ST8SIA6: variants seen among roughly 807,000 people sequenced by gnomAD.
ST8SIA6 encodes ST8 alpha-N-acetyl-neuraminide alpha-2,8-sialyltransferase 6.
Under a neutral mutation model 33.6 loss-of-function variants are expected in ST8SIA6, and 39 were observed. The observed-to-expected ratio is 1.16, with a 90% confidence interval of 0.90 to 1.52. The LOEUF is 1.52. Ranked by LOEUF, ST8SIA6 falls within the 40% of genes most tolerant of loss-of-function variation. ST8SIA6 has a pLI of 0.00. For missense variants in ST8SIA6, 441 were observed against 443.8 expected (o/e 0.99, Z 0.06); for synonymous variants, 172 against 167.2 (o/e 1.03, Z -0.22).
At chr10:17,330,458 C>T (rs1490771013) in intron 5 of ST8SIA6, among the ~76,000 whole-genome samples, 1 of 152,068 alleles carries the variant, frequency 6.6e-6, no homozygotes, top group Non-Finnish European at 1.5e-5. Flanking sequence ...CCTTTTTCTT[C>T]CAGAAAATTT....
At chr10:17,354,844 T>C (rs558911151) in intron 4 of ST8SIA6, among the ~76,000 whole-genome samples, 2 of 152,296 alleles carry the variant, frequency 1.3e-5, no homozygotes, top group South Asian at 4.1e-4. Context: ...CCCAGAAACG[T>C]GTACAAAATC....
rs112788153 is a variant in ST8SIA6, at chr10:17,434,734, GAC to G, written c.200+18823_200+18824del. On this transcript the variant is annotated intron_variant, in intron 2 of 7. Transcript: ENST00000377602. ...AACCTGTGTCTGTAGGTGTTGGGAGGACACACACACACACACACACGGGAAAG... is the reference window on the plus strand; with the variant it reads ...AACCTGTGTCTGTAGGTGTTGGGAGGACACACACACACACACACGGGAAAG... 1.1e-3 allele frequency among the ~76,000 whole-genome samples: 166 copies of G among 147,772 alleles called. 1 individual carries two copies. Among genetic ancestry groups the G allele is most frequent in the African/African-American group, 2.9e-3 (117 of 40,138 alleles).
At chr10:17,374,669 G>A (rs1849841749) in intron 3 of ST8SIA6, among the ~76,000 whole-genome samples, 1 of 149,466 alleles carries the variant, frequency 6.7e-6, no homozygotes, top group Admixed American at 6.7e-5. Flanking sequence ...AGCGGAGATC[G>A]TACCACTGCA....
chr10:17,405,056 T>C (rs1326020057), intron 2 of ST8SIA6, among the ~76,000 whole-genome samples: 2 of 152,246 alleles, frequency 1.3e-5, no homozygotes, highest in Non-Finnish European at 2.9e-5. Context: ...TTCTGATCTA[T>C]ACATGTAAAT....
intron 4 of ST8SIA6, among the ~76,000 whole-genome samples, chr10:17,337,833 G>A (rs1263788797): frequency 6.6e-6 from 1 of 152,084 alleles, no homozygotes; most frequent in Non-Finnish European, 1.5e-5. Flanking sequence ...AGAAATGGAG[G>A]ACACTGTGGG....
In ST8SIA6 at chr10:17,319,396, T is replaced by G. The variant is rs1468496992; in HGVS notation, c.*1482A>C. On this transcript the variant is annotated 3_prime_UTR_variant, in exon 8 of 8. Coordinates refer to ENST00000377602, the MANE Select transcript of ST8SIA6 (RefSeq NM_001004470.3). ...GCCAAAGATTTTTGGCTAACGTGAA[T>G]CTAGGTAGGATTGTTGTAAAATTTC... 6.6e-6 allele frequency among the ~76,000 whole-genome samples: 1 copy of G among 152,180 alleles called. No homozygotes were observed. Among genetic ancestry groups the G allele is most frequent in the Non-Finnish European group, 1.5e-5 (1 of 68,030 alleles).
intron 4 of ST8SIA6, among the ~76,000 whole-genome samples, chr10:17,355,477 C>CA: frequency 6.6e-6 from 1 of 152,122 alleles, no homozygotes; most frequent in Non-Finnish European, 1.5e-5. Context: ...CAAAGATAAA[C>CA]AAGATAATGC....
chr10:17,395,123 T>G (rs1850762209), intron 2 of ST8SIA6, among the ~76,000 whole-genome samples: 1 of 152,294 alleles, frequency 6.6e-6, no homozygotes, highest in African/African-American at 2.4e-5. Flanking sequence ...ATAAGTCTGA[T>G]GGTTTTATAA....
intron 3 of ST8SIA6, among the ~76,000 whole-genome samples, chr10:17,364,804 A>T (rs1490173389): frequency 6.6e-6 from 1 of 152,178 alleles, no homozygotes; most frequent in Non-Finnish European, 1.5e-5. Context: ...ATCACATCAT[A>T]TTTTCTGCAC....
rs1280285530 is a variant in ST8SIA6 at position 17,320,686 on chromosome 10, T to C, written c.*192A>G. ...TGAGTCAGATATGGTGTCCATGTTATAAGGAGAAAAAATGAAGATGAGAAG... is the reference window on the plus strand; with the variant it reads ...TGAGTCAGATATGGTGTCCATGTTACAAGGAGAAAAAATGAAGATGAGAAG... On this transcript the variant is annotated 3_prime_UTR_variant, in exon 8 of 8. Coordinates refer to ENST00000377602, the MANE Select transcript of ST8SIA6 (RefSeq NM_001004470.3). The C allele has an allele frequency of 6.6e-6, 4 of 601,766 alleles. No homozygotes were observed. The African/African-American group carries it at 7.4e-5, about 11-fold the overall frequency. 37.3% of individuals were successfully genotyped at this position (601,766 alleles called of 1,614,324 possible).
At position 17,320,811 on chromosome 10, in the gene ST8SIA6, T is replaced by TG. The variant is rs1847916862; in HGVS notation, c.*66dup. ...AATACTCTTTAGCCACCTCCTTTGG[T>TG]GTTTGGAGACATTGTTAATCACCTA... On this transcript the variant is annotated 3_prime_UTR_variant, in exon 8 of 8. Transcript: ENST00000377602. 10 of 1,526,632 alleles carry TG rather than the reference T, an allele frequency of 6.6e-6. No homozygotes were observed. The Admixed American group carries it at 1.7e-4, about 27-fold the overall frequency. The allele number at this position is 1,526,632 out of a possible 1,614,324, so 94.6% of individuals were successfully genotyped here.
intron 6 of ST8SIA6, among the ~76,000 whole-genome samples, chr10:17,324,468 C>T (rs979397746): frequency 4.0e-5 from 6 of 151,854 alleles, no homozygotes; most frequent in African/African-American, 7.3e-5. Flanking sequence ...AGTGGGCCTC[C>T]CACAACATAT....
In ST8SIA6 at chr10:17,454,293, G is replaced by A. The variant is rs1394624218; in HGVS notation, c.-38C>T. 1.0e-5 allele frequency: 2 copies of A among 192,342 alleles called. No individual in the cohort carries two copies. Among genetic ancestry groups the A allele is most frequent in the African/African-American group, 2.4e-5 (1 of 42,076 alleles). 11.9% of individuals were successfully genotyped at this position (192,342 alleles called of 1,614,324 possible). A position where few individuals can be genotyped will look rare whatever the true frequency, so the allele number is the denominator to read the frequency against. ...GCGCCGCCGCCACCGCTGCTGCCGG[G>A]GCGAAGCACAGCCCGGGCGGCCCCG... On this transcript the variant is annotated 5_prime_UTR_variant, in exon 1 of 8. Coordinates refer to ENST00000377602, the MANE Select transcript of ST8SIA6 (RefSeq NM_001004470.3). The surrounding 1 kb of genome is among the most constrained non-coding windows in gnomAD (Gnocchi z 4.1).
intron 4 of ST8SIA6, among the ~76,000 whole-genome samples, chr10:17,357,414 G>T (rs1000639871): frequency 6.6e-6 from 1 of 151,922 alleles, no homozygotes; most frequent in African/African-American, 2.4e-5. Context: ...GGGATTACAG[G>T]CGTGAGCCAT....
intron 6 of ST8SIA6, among the ~76,000 whole-genome samples, chr10:17,325,059 ATAT>A (rs1232116626): frequency 7.0e-6 from 1 of 142,096 alleles, no homozygotes; most frequent in Admixed American, 7.2e-5. Flanking sequence ...ATATGTATAC[ATAT>A]TATACATATA....
chr10:17,323,756 A>G (rs1588776388), intron 6 of ST8SIA6, among the ~76,000 whole-genome samples: 1 of 152,150 alleles, frequency 6.6e-6, no homozygotes, highest in South Asian at 2.1e-4. Flanking sequence ...AGAAATGACA[A>G]TTACACCTTG....
In ST8SIA6 at chr10:17,331,325, C is replaced by T. The variant is rs943527719; in HGVS notation, c.522+83G>A. ...AATATGGTATTTTAATTGAGTCCAT[C>T]ATAATTGTAAGTTACAGCTTAAAGT... On this transcript the variant is annotated intron_variant, in intron 5 of 7. Coordinates refer to ENST00000377602, the MANE Select transcript of ST8SIA6 (RefSeq NM_001004470.3). 2.0e-6 allele frequency: 3 copies of T among 1,468,012 alleles called. No individual in the cohort carries two copies. The Admixed American group carries it at 6.8e-5, about 33-fold the overall frequency. 90.9% of individuals were successfully genotyped at this position (1,468,012 alleles called of 1,614,324 possible). A position where few individuals can be genotyped will look rare whatever the true frequency, so the allele number is the denominator to read the frequency against.
At chr10:17,423,047 C>T (rs79917532) in intron 2 of ST8SIA6, among the ~76,000 whole-genome samples, 4,965 of 152,218 alleles carry the variant, frequency 0.033, 83 homozygotes, top group South Asian at 0.055. Context: ...TAGAATAGTA[C>T]TGCCATTCAT....
chr10:17,422,124 CAA>C (rs1851797232), intron 2 of ST8SIA6, among the ~76,000 whole-genome samples: 1 of 151,970 alleles, frequency 6.6e-6, no homozygotes, highest in African/African-American at 2.4e-5. Context: ...CACTTTTAAT[CAA>C]GAGAACAATC....
Sources: allele counts gnomAD v4.1 joint callset (sites outside exome capture counted in the v4.1 genomes callset), GRCh38; gene constraint gnomAD v4.1.1; non-coding constraint Gnocchi (gnomAD v3.1); transcripts MANE v1.5; gene names NCBI Gene and HGNC (gene_info 2026-07-23, HGNC 2026-07-21).